Variants in MGMT observed in about 807,000 individuals in gnomAD.
MGMT encodes methylated-DNA--protein-cysteine methyltransferase.
Under a neutral mutation model 15.9 loss-of-function variants are expected in MGMT, and 14 were observed. The ratio of observed to expected loss-of-function variants is 0.88; its 90% CI spans 0.58 to 1.37. The LOEUF (loss-of-function observed/expected upper bound fraction) is 1.37, where lower values mean the gene tolerates loss of function less well. Among genes scored for constraint, MGMT ranks in the 40% most tolerant of loss-of-function variants. MGMT has a pLI of 0.00. For missense variants in MGMT, 282 were observed against 268.1 expected (o/e 1.05, Z -0.36); for synonymous variants, 130 against 118.2 (o/e 1.10, Z -0.65).
At chr10:129,558,388 G>A (rs1201660550) in intron 2 of MGMT, among the ~76,000 whole-genome samples, 1 of 152,172 alleles carries the variant, frequency 6.6e-6, no homozygotes, top group Non-Finnish European at 1.5e-5. Context: ...TTTCCTTCAT[G>A]AATTTGTTGT....
intron 2 of MGMT, among the ~76,000 whole-genome samples, chr10:129,609,230 G>T (rs1447946098): frequency 6.6e-6 from 1 of 152,224 alleles, no homozygotes; most frequent in Non-Finnish European, 1.5e-5. Flanking sequence ...CTCCTCAGTG[G>T]AATCTCTGGC....
chr10:129,501,211 TC>T (rs1473502446), intron 1 of MGMT, among the ~76,000 whole-genome samples: 7 of 152,166 alleles, frequency 4.6e-5, no homozygotes, highest in Non-Finnish European at 7.4e-5. Flanking sequence ...GTCCATGTAC[TC>T]ACTTGTTCAA....
intron 3 of MGMT, among the ~76,000 whole-genome samples, chr10:129,709,712 A>G (rs1259995402): frequency 6.6e-6 from 1 of 152,114 alleles, no homozygotes; most frequent in African/African-American, 2.4e-5. Context: ...CTTCATGAAA[A>G]ACATAGGGGC....
chr10:129,647,374 C>T (rs1002617288), intron 2 of MGMT, among the ~76,000 whole-genome samples: 1 of 152,172 alleles, frequency 6.6e-6, no homozygotes, highest in Non-Finnish European at 1.5e-5. Flanking sequence ...TTAAAGGCAG[C>T]GGCCTGCAGG....
At chr10:129,686,057 A>G (rs1420472612) in intron 2 of MGMT, among the ~76,000 whole-genome samples, 1 of 152,226 alleles carries the variant, frequency 6.6e-6, no homozygotes, top group East Asian at 1.9e-4. Flanking sequence ...TTTAATGTCA[A>G]TTATAAAGAA....
chr10:129,664,568 CAAAG>C (rs1326799998), intron 2 of MGMT, among the ~76,000 whole-genome samples: 1 of 152,204 alleles, frequency 6.6e-6, no homozygotes, highest in African/African-American at 2.4e-5. Flanking sequence ...ACCCCAGTCA[CAAAG>C]AACACACCTA....
intron 1 of MGMT, among the ~76,000 whole-genome samples, chr10:129,518,858 C>T (rs2119717873): frequency 6.6e-6 from 1 of 151,876 alleles, no homozygotes; most frequent in South Asian, 2.1e-4. Flanking sequence ...GGGGCTTCAA[C>T]AGCCCAACCC....
At position 129,484,240 on chromosome 10, in the gene MGMT, A is replaced by G. The variant is rs1211034357; in HGVS notation, c.-13+16944A>G. Among the ~76,000 whole-genome samples the G allele has an allele frequency of 2.6e-5, 4 of 152,158 alleles. No individual in the cohort carries two copies. In the East Asian group the frequency reaches 7.7e-4, roughly 29 times the overall value. Reference sequence around the variant, plus strand: ...ATTTTTCCTGCCTCCCCTTTTTCTGAGGCTCCAATTGCGCATGTGCTGCTT... The same window carrying G: ...ATTTTTCCTGCCTCCCCTTTTTCTGGGGCTCCAATTGCGCATGTGCTGCTT... On this transcript the variant is annotated intron_variant, in intron 1 of 4. Coordinates refer to ENST00000651593, the MANE Select transcript of MGMT (RefSeq NM_002412.5).
At chr10:129,684,931 A>G (rs1847888919) in intron 2 of MGMT, among the ~76,000 whole-genome samples, 1 of 152,234 alleles carries the variant, frequency 6.6e-6, no homozygotes, top group Admixed American at 6.5e-5. Flanking sequence ...TGCTGGAGGA[A>G]CCAGATTCTT....
At chr10:129,495,787 A>G (rs1345587119) in intron 1 of MGMT, among the ~76,000 whole-genome samples, 6 of 152,212 alleles carry the variant, frequency 3.9e-5, no homozygotes, top group Admixed American at 3.9e-4. Flanking sequence ...ATCTTCACGT[A>G]GTTCACATGA....
intron 2 of MGMT, among the ~76,000 whole-genome samples, chr10:129,561,142 G>C (rs1041353526): frequency 6.6e-6 from 1 of 152,148 alleles, no homozygotes; most frequent in Non-Finnish European, 1.5e-5. Context: ...AAAGATTCAG[G>C]AATGTCTTTC....
chr10:129,536,406 A>C (rs777852919), intron 2 of MGMT, 29 bp downstream of exon 2: 2 of 1,597,176 alleles, frequency 1.3e-6, no homozygotes, highest in African/African-American at 2.7e-5. Context: ...GATCCTGTAT[A>C]CCGCACATGC....
At chr10:129,504,455 G>T (rs985365593) in intron 1 of MGMT, among the ~76,000 whole-genome samples, 1 of 152,166 alleles carries the variant, frequency 6.6e-6, no homozygotes. Flanking sequence ...CTAGTTTAGG[G>T]TCTTATGAAT....
intron 2 of MGMT, among the ~76,000 whole-genome samples, chr10:129,658,833 T>C (rs565912277): frequency 8.5e-4 from 130 of 152,332 alleles, no homozygotes; most frequent in African/African-American, 3.1e-3. Context: ...ACTGCTGTTC[T>C]CGCCCTTAGC....
intron 2 of MGMT, among the ~76,000 whole-genome samples, chr10:129,603,156 A>G (rs1023155893): frequency 1.3e-5 from 2 of 152,266 alleles, no homozygotes; most frequent in Non-Finnish European, 2.9e-5. Flanking sequence ...TTAAGTGACA[A>G]GAACCAAAAT....
intron 3 of MGMT, among the ~76,000 whole-genome samples, chr10:129,735,429 C>T (rs551636693): frequency 2.2e-3 from 337 of 152,124 alleles, no homozygotes; most frequent in African/African-American, 6.1e-3. Context: ...TTTTTTATTG[C>T]GTCTATTTGA....
At chr10:129,471,244 A>G (rs4751086) in intron 1 of MGMT, among the ~76,000 whole-genome samples, 139,918 of 152,296 alleles carry the variant, frequency 0.92, 64,424 homozygotes, top group Non-Finnish European at 0.93. Flanking sequence ...AGTCATATGC[A>G]TAGAGGTTTA....
intron 2 of MGMT, among the ~76,000 whole-genome samples, chr10:129,567,166 G>A (rs1278420653): frequency 1.3e-5 from 2 of 152,172 alleles, no homozygotes; most frequent in Admixed American, 6.5e-5. Context: ...GACTCCCACT[G>A]CGTTCAGCCC....
At chr10:129,529,322 C>T (rs891680369) in intron 1 of MGMT, among the ~76,000 whole-genome samples, 2 of 152,098 alleles carry the variant, frequency 1.3e-5, no homozygotes, top group Non-Finnish European at 2.9e-5. Context: ...ACTAACTTTT[C>T]CACAGATGGG....
Sources: allele counts gnomAD v4.1 joint callset (sites outside exome capture counted in the v4.1 genomes callset), GRCh38; gene constraint gnomAD v4.1.1; transcripts MANE v1.5; gene names NCBI Gene and HGNC (gene_info 2026-07-23, HGNC 2026-07-21).